EPHA5: variants seen among roughly 807,000 people sequenced by gnomAD.
EPHA5 encodes the protein EPH receptor A5.
Under a neutral mutation model 105.0 loss-of-function variants are expected in EPHA5, and 60 were observed. The observed-to-expected ratio is 0.57, with a 90% confidence interval of 0.46 to 0.71. The LOEUF is 0.71. Among genes scored for constraint, EPHA5 ranks in the 30% least tolerant of loss-of-function variants. EPHA5 has a pLI of 0.00. For synonymous variants in EPHA5, 513 were observed against 449.1 expected (o/e 1.14, Z -1.80); for missense variants, 1,218 against 1,274.7 (o/e 0.96, Z 0.68).
intron 8 of EPHA5, among the ~76,000 whole-genome samples, chr4:65,382,437 A>G (rs1000546348): frequency 1.3e-5 from 2 of 151,822 alleles, no homozygotes; most frequent in Admixed American, 6.6e-5. Flanking sequence ...ATGTTATTAA[A>G]CGTGTTAGAT....
At chr4:65,533,180 C>T (rs955804226) in intron 3 of EPHA5, among the ~76,000 whole-genome samples, 1 of 152,096 alleles carries the variant, frequency 6.6e-6, no homozygotes, top group Non-Finnish European at 1.5e-5. Flanking sequence ...TAAGATAAGA[C>T]AATTTGTGTA....
chr4:65,522,797 A>G (rs760480825), intron 3 of EPHA5, among the ~76,000 whole-genome samples: 28 of 151,930 alleles, frequency 1.8e-4, no homozygotes, highest in Non-Finnish European at 3.8e-4. Flanking sequence ...CTTCACTTCT[A>G]TTTCCTATTC....
At chr4:65,512,106 G>A (rs753875895) in intron 3 of EPHA5, among the ~76,000 whole-genome samples, 2 of 152,104 alleles carry the variant, frequency 1.3e-5, no homozygotes, top group African/African-American at 2.4e-5. Flanking sequence ...CCAATGGTGG[G>A]GAATGAAAAG....
chr4:65,643,715 GA>G (rs1325957639), intron 1 of EPHA5, among the ~76,000 whole-genome samples: 2 of 148,900 alleles, frequency 1.3e-5, no homozygotes, highest in South Asian at 4.3e-4. Flanking sequence ...AGCTAATAAG[GA>G]AAAAAAAAGA....
chr4:65,616,149 C>G (rs1363193650), intron 2 of EPHA5, among the ~76,000 whole-genome samples: 1 of 151,760 alleles, frequency 6.6e-6, no homozygotes, highest in Non-Finnish European at 1.5e-5. Context: ...TGATGAATCT[C>G]CAGGGAATTA....
At position 65,601,873 on chromosome 4, in the gene EPHA5, C is replaced by T. The variant is rs1743769706; in HGVS notation, c.678G>A (p.Val226=). 1 of 1,614,072 alleles carries T rather than the reference C, an allele frequency of 6.2e-7. No homozygotes were observed. The highest frequency in any genetic ancestry group is 1.7e-5 in the Admixed American group (1 of 60,006). The change falls in exon 3 of 17, where the codon GTG becomes GTA. Residue 226 remains valine (V), a synonymous_variant. Coordinates refer to ENST00000613740, the MANE Select transcript of EPHA5 (RefSeq NM_001281766.3). ...DVGACIALVS[V]RVYYKKCPSV... ...AAGGGCATTTTTTATAGTATACACG[C>T]ACAGAAACCAGAGCAATGCAAGCAC...
intron 3 of EPHA5, among the ~76,000 whole-genome samples, chr4:65,538,623 A>G (rs1736524253): frequency 6.6e-6 from 1 of 151,680 alleles, no homozygotes; most frequent in Non-Finnish European, 1.5e-5. Flanking sequence ...TCAAGAGCAG[A>G]GACAGACAAG....
At chr4:65,471,498 A>T (rs564815180) in intron 5 of EPHA5, among the ~76,000 whole-genome samples, 1 of 152,300 alleles carries the variant, frequency 6.6e-6, no homozygotes, top group African/African-American at 2.4e-5. Context: ...GTATTGTATT[A>T]GTCTGTTTTT....
At chr4:65,584,667 A>C (rs74601048) in intron 3 of EPHA5, among the ~76,000 whole-genome samples, 32,135 of 151,822 alleles carry the variant, frequency 0.21, 3,775 homozygotes, top group East Asian at 0.27. Flanking sequence ...ATTTTAGTAC[A>C]TAACAATTTT....
chr4:65,606,231 G>T (rs1744216650), intron 2 of EPHA5, among the ~76,000 whole-genome samples: 1 of 152,096 alleles, frequency 6.6e-6, no homozygotes. Flanking sequence ...AGGCATGCAT[G>T]ATTTTCTTAT....
intron 2 of EPHA5, among the ~76,000 whole-genome samples, chr4:65,635,976 TCCG>T (rs922367171): frequency 1.3e-5 from 2 of 152,244 alleles, no homozygotes; most frequent in African/African-American, 4.8e-5. Context: ...TTACTATTAT[TCCG>T]CCAAGTAATT....
intron 1 of EPHA5, among the ~76,000 whole-genome samples, chr4:65,660,247 A>G (rs1293340690): frequency 2.0e-5 from 3 of 152,130 alleles, no homozygotes. Context: ...ACAACCCATG[A>G]CCTTGTACTG....
intron 3 of EPHA5, chr4:65,573,683 C>A: frequency 1.0e-5 from 16 of 1,596,814 alleles, no homozygotes; most frequent in Non-Finnish European, 1.2e-5. Context: ...AGTACTCAGC[C>A]GCTAAATCCA....
Position 65,501,370 on chromosome 4 carries a change from C to T in EPHA5, c.911-5827G>A, listed in dbSNP as rs1732470874. 2.0e-5 allele frequency among the ~76,000 whole-genome samples: 3 copies of T among 151,502 alleles called. No individual in the cohort carries two copies. In the South Asian group the frequency reaches 6.2e-4, roughly 31 times the overall value. On this transcript the variant is annotated intron_variant, in intron 3 of 16. Transcript: ENST00000613740. ...TACTTAGAAAACCCTAGAAACTTCACCAAAAGTCTCCTGGATCTGATAAAT... is the reference window on the plus strand; with the variant it reads ...TACTTAGAAAACCCTAGAAACTTCATCAAAAGTCTCCTGGATCTGATAAAT...
At chr4:65,597,789 G>T (rs1743331143) in intron 3 of EPHA5, among the ~76,000 whole-genome samples, 1 of 152,132 alleles carries the variant, frequency 6.6e-6, no homozygotes, top group Admixed American at 6.6e-5. Context: ...TAAATGAGAG[G>T]AAGTTATATT....
intron 14 of EPHA5, among the ~76,000 whole-genome samples, chr4:65,342,767 C>T (rs1577863338): frequency 6.6e-6 from 1 of 150,730 alleles, no homozygotes; most frequent in East Asian, 2.0e-4. Flanking sequence ...ATTTATACTG[C>T]TGATGTATGT....
At chr4:65,487,085 A>G (rs1730952018) in intron 5 of EPHA5, among the ~76,000 whole-genome samples, 1 of 152,188 alleles carries the variant, frequency 6.6e-6, no homozygotes, top group South Asian at 2.1e-4. Context: ...GGGCCTCACA[A>G]GAAGCAGAAG....
At chr4:65,471,031 T>C (rs1360373971) in intron 5 of EPHA5, among the ~76,000 whole-genome samples, 1 of 152,198 alleles carries the variant, frequency 6.6e-6, no homozygotes, top group Non-Finnish European at 1.5e-5. Flanking sequence ...TTTCTGTACC[T>C]CATGTCCAAT....
intron 5 of EPHA5, among the ~76,000 whole-genome samples, chr4:65,464,567 T>C (rs982918093): frequency 3.9e-5 from 6 of 152,206 alleles, no homozygotes; most frequent in African/African-American, 1.2e-4. Flanking sequence ...ACTGGTAAGA[T>C]TGAATAATGT....
Sources: allele counts gnomAD v4.1 joint callset (sites outside exome capture counted in the v4.1 genomes callset), GRCh38; gene constraint gnomAD v4.1.1; transcripts MANE v1.5; gene names NCBI Gene and HGNC (gene_info 2026-07-23, HGNC 2026-07-21).